Variants in TNRC6B observed in about 807,000 individuals in gnomAD.
TNRC6B encodes the protein trinucleotide repeat-containing gene 6B protein.
A neutral mutation model predicts 203.6 loss-of-function variants in TNRC6B; 52 were observed. The observed-to-expected ratio is 0.26, with a 90% CI of 0.20 to 0.32. The LOEUF is 0.32. Ranked by LOEUF, TNRC6B falls within the 10% of genes least tolerant of loss-of-function variation. TNRC6B has a pLI of 1.00. For synonymous variants in TNRC6B, 838 were observed against 845.7 expected, an observed-to-expected ratio of 0.99 and a Z score of 0.16; for missense variants, 1,923 against 2,286.2, an observed-to-expected ratio of 0.84 and a Z score of 3.24.
At chr22:40,090,690 T>C (rs113597425) in intron 1 of TNRC6B, among the ~76,000 whole-genome samples, 43 of 152,322 alleles carry the variant, frequency 2.8e-4, no homozygotes, top group African/African-American at 9.1e-4. Flanking sequence ...TATGAATTAT[T>C]GATATATTTT....
rs376745609 is a variant in TNRC6B at position 40,069,521 on chromosome 22, C to G, written c.-121+24523C>G. 1.6e-4 allele frequency among the ~76,000 whole-genome samples: 24 copies of G among 147,354 alleles called. 2 individuals carry two copies. The highest frequency in any genetic ancestry group is 1.0e-3 in the Admixed American group (15 of 14,726). On this transcript the variant is annotated intron_variant, in intron 1 of 23. Transcript: ENST00000301923. ...TTTTTTTTTGAGATGGAGTTTCGCT[C>G]TCATTGCCCCAGCTGGAGTGCAATG...
chr22:40,265,439 C>G lies in TNRC6B; in HGVS notation c.1209C>G (p.Thr403=). ...CCTTTGGAATGGGCTTGGGGAACAC[C>G]TCCAGGAGCACTGATGCCCCTTCAC... ...GMPFGMGLGN[T]SRSTDAPSQS... is the part of the protein sequence containing the mutation. Residue 403 remains threonine, a synonymous_variant, in exon 5 of 23, where the codon ACC becomes ACG. Coordinates refer to ENST00000454349, the MANE Select transcript of TNRC6B (RefSeq NM_001162501.2). 1.2e-6 allele frequency: 2 copies of G among 1,613,996 alleles called. No individual in the cohort carries two copies. Among genetic ancestry groups the G allele is most frequent in the Non-Finnish European group, 1.7e-6 (2 of 1,179,890 alleles).
chr22:40,192,196 C>T (rs1263735612), intron 1 of TNRC6B, among the ~76,000 whole-genome samples: 3 of 152,288 alleles, frequency 2.0e-5, no homozygotes, highest in South Asian at 4.1e-4. Flanking sequence ...GATTTTATCC[C>T]GTAGAAAGCA....
At chr22:40,127,260 G>A (rs1460685653) in intron 3 of TNRC6B, among the ~76,000 whole-genome samples, 1 of 152,108 alleles carries the variant, frequency 6.6e-6, no homozygotes, top group Non-Finnish European at 1.5e-5. Flanking sequence ...CCTCTGCGGG[G>A]CTATGATCTA....
chr22:40,070,153 ATTTGAG>A (rs1199028435), intron 1 of TNRC6B, among the ~76,000 whole-genome samples: 1 of 152,100 alleles, frequency 6.6e-6, no homozygotes, highest in African/African-American at 2.4e-5. Context: ...TAAGAGAGAC[ATTTGAG>A]TTTTGCGTGT....
intron 1 of TNRC6B, among the ~76,000 whole-genome samples, chr22:40,187,942 G>A (rs958747668): frequency 3.9e-5 from 6 of 152,264 alleles, no homozygotes; most frequent in East Asian, 1.9e-4. Context: ...GAATCTGGCC[G>A]GGTACGGTGG....
chr22:40,106,261 TGAG>T, intron 1 of TNRC6B: 1 of 286,992 alleles, frequency 3.5e-6, no homozygotes, highest in Admixed American at 5.2e-5. Context: ...TTTTTCAATT[TGAG>T]AGCAGGTACT....
At chr22:40,146,627 C>T (rs1455263153) in intron 3 of TNRC6B, among the ~76,000 whole-genome samples, 2 of 136,934 alleles carry the variant, frequency 1.5e-5, no homozygotes, top group South Asian at 2.3e-4. Context: ...AGTGCAGTGG[C>T]GCAATCTCAG....
chr22:40,199,151 G>A (rs1472630433), intron 1 of TNRC6B, among the ~76,000 whole-genome samples: 4 of 152,078 alleles, frequency 2.6e-5, no homozygotes, highest in Non-Finnish European at 2.9e-5. Flanking sequence ...TGATAGTCAT[G>A]GATTAGAACC....
intron 3 of TNRC6B, 65 bp from the exon 4 acceptor site, chr22:40,261,767 T>A: frequency 1.6e-6 from 2 of 1,273,386 alleles, no homozygotes; most frequent in Non-Finnish European, 1.0e-6. Flanking sequence ...AAATTATTTT[T>A]AAAATTTTTA....
intron 3 of TNRC6B, among the ~76,000 whole-genome samples, chr22:40,256,042 C>T (rs1474388757): frequency 2.0e-5 from 3 of 152,060 alleles, no homozygotes; most frequent in Non-Finnish European, 4.4e-5. Context: ...TTAGTAGAGA[C>T]GGGGTTTCAC....
chr22:40,273,348 G>A, intron 6 of TNRC6B, 77 bp from the exon 7 acceptor site: 1 of 1,317,244 alleles, frequency 7.6e-7, no homozygotes, highest in South Asian at 1.6e-5. Flanking sequence ...CGTAAATGCT[G>A]CATCTGCAAG....
chr22:40,265,387 C>T lies in TNRC6B; in HGVS notation c.1157C>T (p.Pro386Leu). 6.2e-7 allele frequency: 1 copy of T among 1,613,978 alleles called. No individual in the cohort carries two copies. ...GNTNSLNLSSPNPMENKGMPF... is the reference protein window; with the variant it reads ...GNTNSLNLSSLNPMENKGMPF... ...ACTAACTCCTTGAACTTAAGTTCAC[C>T]AAACCCCATGGAGAATAAGGGAATG... is the stretch of plus-strand genomic sequence containing the variant. The change falls in exon 5 of 23, where the codon CCA becomes CTA. Residue 386 changes from proline (P) to leucine (L), a missense_variant. Physicochemically the swap from Pro to Leu is moderately conservative, Grantham distance 98. Transcript: ENST00000454349.
intron 22 of TNRC6B, 125 bp from the exon 23 acceptor site, chr22:40,322,729 G>A (rs569347213): frequency 1.1e-4 from 129 of 1,158,634 alleles, no homozygotes; most frequent in Middle Eastern, 2.7e-4. Flanking sequence ...TCTAAAAAGC[G>A]TTCATGGATA....
chr22:40,308,115 A>T (rs1040559785), intron 15 of TNRC6B, among the ~76,000 whole-genome samples: 17 of 152,134 alleles, frequency 1.1e-4, no homozygotes, highest in African/African-American at 4.1e-4. Flanking sequence ...TCCTTCTGCA[A>T]ACCCTTTCCT....
chr22:40,280,975 T>G, intron 10 of TNRC6B, 144 bp from the exon 11 acceptor site: 1 of 651,830 alleles, frequency 1.5e-6, no homozygotes. Context: ...TAAAGATTAT[T>G]ATCAGATCCA....
intron 4 of TNRC6B, among the ~76,000 whole-genome samples, chr22:40,166,426 A>G (rs927305382): frequency 2.0e-5 from 3 of 149,936 alleles, no homozygotes; most frequent in Non-Finnish European, 4.4e-5. Flanking sequence ...TGGCCATGCT[A>G]TACTCTTTTT....
intron 1 of TNRC6B, among the ~76,000 whole-genome samples, chr22:40,232,819 C>T (rs1412545404): frequency 6.6e-6 from 1 of 152,150 alleles, no homozygotes; most frequent in Admixed American, 6.6e-5. Context: ...TCGAGACCAG[C>T]CTGGCCAACA....
chr22:40,142,636 A>C (rs576277076), intron 3 of TNRC6B, among the ~76,000 whole-genome samples: 7 of 152,362 alleles, frequency 4.6e-5, no homozygotes, highest in Admixed American at 4.6e-4. Flanking sequence ...TCACATGGTC[A>C]AAATAAGCTT....
Sources: allele counts gnomAD v4.1 joint callset (sites outside exome capture counted in the v4.1 genomes callset), GRCh38; gene constraint gnomAD v4.1.1; transcripts MANE v1.5; gene names NCBI Gene and HGNC (gene_info 2026-07-23, HGNC 2026-07-21).